The following ACSS3 variants were observed in gnomAD, a reference collection of about 807,000 sequenced individuals.
ACSS3 encodes the protein acyl-CoA synthetase short chain family member 3.
In ACSS3, 64 loss-of-function variants were observed where a neutral mutation model predicts 84.2. That is an observed-to-expected ratio of 0.76 (90% CI 0.62 to 0.94). The LOEUF is 0.94. Among genes scored for constraint, ACSS3 ranks in the 40% least tolerant of loss-of-function variants. ACSS3 has a pLI of 0.00. For synonymous variants in ACSS3, 317 were observed against 310.1 expected (o/e 1.02, Z -0.23); for missense variants, 815 against 867.6 (o/e 0.94, Z 0.76).
At chr12:81,234,029 G>A (rs998099656) in intron 13 of ACSS3, among the ~76,000 whole-genome samples, 5 of 151,428 alleles carry the variant, frequency 3.3e-5, no homozygotes, top group African/African-American at 1.2e-4. Flanking sequence ...CAATTTCAAC[G>A]CTGTCAAATA....
At chr12:81,223,379 G>A (rs980556918) in intron 11 of ACSS3, among the ~76,000 whole-genome samples, 2 of 151,980 alleles carry the variant, frequency 1.3e-5, no homozygotes, top group African/African-American at 4.8e-5. Context: ...ACAGCTTCAC[G>A]TAAATGATTC....
intron 3 of ACSS3, among the ~76,000 whole-genome samples, 182 bp downstream of exon 3, chr12:81,135,186 G>A (rs974883250): frequency 2.0e-5 from 3 of 150,184 alleles, no homozygotes; most frequent in African/African-American, 7.3e-5. Flanking sequence ...ACATGCATAT[G>A]TTTATTGCAG....
Position 81,259,993 on chromosome 12 carries a change from T to C in ACSS3, c.*5071T>C, listed in dbSNP as rs992948274. On this transcript the variant is annotated 3_prime_UTR_variant, in exon 16 of 16. Transcript: ENST00000548058. ...TAATAAATTGGGTTGAATTGACCTATTTCATAATGTAGATTTATATTCTAG... is the reference window on the plus strand; with the variant it reads ...TAATAAATTGGGTTGAATTGACCTACTTCATAATGTAGATTTATATTCTAG... The C allele has an allele frequency of 4.9e-6, 1 of 202,622 alleles. No homozygotes were observed. Among genetic ancestry groups the C allele is most frequent in the African/African-American group, 2.3e-5 (1 of 43,554 alleles). The allele number at this position is 202,622 out of a possible 1,614,324, so 12.6% of individuals were successfully genotyped here. A position where few individuals can be genotyped will look rare whatever the true frequency, so the allele number is the denominator to read the frequency against.
intron 11 of ACSS3, among the ~76,000 whole-genome samples, chr12:81,223,459 A>G (rs1163790212): frequency 1.3e-5 from 2 of 152,072 alleles, no homozygotes; most frequent in African/African-American, 4.8e-5. Context: ...CTTTGAGTAT[A>G]ACTAAGCATG....
At chr12:81,159,675 A>G (rs2135779206) in intron 7 of ACSS3, among the ~76,000 whole-genome samples, 1 of 152,350 alleles carries the variant, frequency 6.6e-6, no homozygotes, top group South Asian at 2.1e-4. Context: ...AAGAACAGAT[A>G]TTTGGTAGGA....
intron 1 of ACSS3, among the ~76,000 whole-genome samples, chr12:81,093,446 C>T (rs568575801): frequency 6.8e-6 from 1 of 147,662 alleles, no homozygotes; most frequent in South Asian, 2.2e-4. Flanking sequence ...CAGAGCGACA[C>T]TCTGTCCCCA....
At chr12:81,160,412 A>C (rs1162054528) in intron 7 of ACSS3, among the ~76,000 whole-genome samples, 2 of 152,214 alleles carry the variant, frequency 1.3e-5, no homozygotes, top group African/African-American at 4.8e-5. Flanking sequence ...TCAGGCAATA[A>C]ATTGAATTAG....
chr12:81,187,006 A>G (rs2031299733), intron 8 of ACSS3, among the ~76,000 whole-genome samples: 1 of 151,858 alleles, frequency 6.6e-6, no homozygotes. Flanking sequence ...ACATATATGC[A>G]ATGGAATACC....
chr12:81,180,935 A>G (rs1279349825), intron 8 of ACSS3, among the ~76,000 whole-genome samples: 1 of 152,238 alleles, frequency 6.6e-6, no homozygotes, highest in Non-Finnish European at 1.5e-5. Context: ...TTACTATCCT[A>G]TAACTAAAAG....
At chr12:81,153,112 A>G (rs1191892116) in intron 7 of ACSS3, among the ~76,000 whole-genome samples, 2 of 152,210 alleles carry the variant, frequency 1.3e-5, no homozygotes, top group African/African-American at 4.8e-5. Flanking sequence ...AATAATGTAT[A>G]CAAGAAAGAG....
chr12:81,231,955 A>C (rs919693555), intron 12 of ACSS3, among the ~76,000 whole-genome samples: 1 of 151,798 alleles, frequency 6.6e-6, no homozygotes, highest in Non-Finnish European at 1.5e-5. Flanking sequence ...TCACTAAAAA[A>C]GTTTGCTGAA....
At chr12:81,143,579 C>T (rs1886192812) in intron 5 of ACSS3, 1 of 155,278 alleles carries the variant, frequency 6.4e-6, no homozygotes, top group African/African-American at 2.4e-5. Context: ...AATTGAATAT[C>T]AGTTGGTTTA....
At chr12:81,134,441 T>C (rs578012555) in intron 2 of ACSS3, among the ~76,000 whole-genome samples, 1 of 152,164 alleles carries the variant, frequency 6.6e-6, no homozygotes, top group Non-Finnish European at 1.5e-5. Flanking sequence ...CAGATTCACC[T>C]TTTGCAATAC....
chr12:81,205,031 T>A (rs796970002), intron 9 of ACSS3, among the ~76,000 whole-genome samples: 94 of 152,290 alleles, frequency 6.2e-4, no homozygotes, highest in African/African-American at 2.3e-3. Flanking sequence ...TCTATCTTGG[T>A]GTAATCTGAG....
At chr12:81,122,300 G>T (rs1410510054) in intron 2 of ACSS3, among the ~76,000 whole-genome samples, 2 of 151,788 alleles carry the variant, frequency 1.3e-5, no homozygotes, top group Non-Finnish European at 1.5e-5. Context: ...GAACTCATGG[G>T]CCCTGAGAAT....
chr12:81,233,292 A>T (rs536014204), intron 12 of ACSS3, 57 bp from the exon 13 acceptor site: 1 of 1,559,736 alleles, frequency 6.4e-7, no homozygotes, highest in South Asian at 1.2e-5. Context: ...CAAGTTTAAA[A>T]TGATTACATT....
chr12:81,152,188 G>A (rs1293395040), intron 7 of ACSS3, 92 bp downstream of exon 7: 34 of 971,806 alleles, frequency 3.5e-5, no homozygotes, highest in Non-Finnish European at 4.9e-5. Context: ...GAAAAATTGG[G>A]GTGGGGACAG....
At chr12:81,147,232 T>C (rs1454535676) in intron 5 of ACSS3, among the ~76,000 whole-genome samples, 2 of 152,226 alleles carry the variant, frequency 1.3e-5, no homozygotes, top group African/African-American at 4.8e-5. Flanking sequence ...ATATCCCGAA[T>C]AGAAACTTTT....
chr12:81,190,878 T>A (rs559857616), intron 8 of ACSS3, among the ~76,000 whole-genome samples: 8 of 152,214 alleles, frequency 5.3e-5, no homozygotes, highest in Non-Finnish European at 1.0e-4. Flanking sequence ...TAGGAGTTAA[T>A]GTGGTGAATT....
Sources: gnomAD v4.1 joint callset for allele counts (sites outside exome capture counted in the v4.1 genomes callset) on GRCh38, gnomAD v4.1.1 for gene constraint, MANE v1.5 for transcripts, NCBI Gene and HGNC (gene_info 2026-07-23, HGNC 2026-07-21) for gene names.